The following UGT1A7 variants were observed in gnomAD, a reference collection of about 807,000 sequenced individuals.
UGT1A7 encodes the protein UDP glucuronosyltransferase family 1 member A7, also known as UDP-glucuronosyltransferase 1A7.
Under a neutral mutation model 45.6 loss-of-function variants are expected in UGT1A7, and 33 were observed. The ratio of observed to expected loss-of-function variants is 0.72; its 90% CI spans 0.55 to 0.97. UGT1A7 has a LOEUF of 0.97. Among genes scored for constraint, UGT1A7 ranks in the 50% least tolerant of loss-of-function variants. UGT1A7 has a pLI of 0.00. For missense variants in UGT1A7, 684 were observed against 666.2 expected, an observed-to-expected ratio of 1.03 and a Z score of -0.29; for synonymous variants, 274 against 250.6, an observed-to-expected ratio of 1.09 and a Z score of -0.88.
intron 1 of UGT1A7, among the ~76,000 whole-genome samples, chr2:233,732,885 A>G (rs1356305155): frequency 6.6e-6 from 1 of 150,402 alleles, no homozygotes; most frequent in Non-Finnish European, 1.5e-5. Flanking sequence ...CATTGAATCT[A>G]TAAATTACCT....
chr2:233,718,911 G>C, intron 1 of UGT1A7: 2 of 1,614,072 alleles, frequency 1.2e-6, no homozygotes, highest in Non-Finnish European at 1.7e-6. Flanking sequence ...GAGTGGAAAG[G>C]TGTTGGTGGT....
intron 1 of UGT1A7, among the ~76,000 whole-genome samples, chr2:233,715,395 T>C (rs1475144690): frequency 6.6e-6 from 1 of 152,246 alleles, no homozygotes. Context: ...TATCATTAAA[T>C]AATAATCCTT....
At chr2:233,732,356 G>A (rs946467388) in intron 1 of UGT1A7, among the ~76,000 whole-genome samples, 35 of 152,232 alleles carry the variant, frequency 2.3e-4, no homozygotes, top group Non-Finnish European at 4.6e-4. Context: ...TAGTCATGAA[G>A]TCCTGGCCCA....
At chr2:233,747,977 G>A (rs1693826207) in intron 1 of UGT1A7, 1 of 1,613,358 alleles carries the variant, frequency 6.2e-7, no homozygotes, top group Non-Finnish European at 8.5e-7. Context: ...CATCTGTGTG[G>A]CTGTTCCGAG....
At chr2:233,766,869 G>A (rs1460136088) in intron 1 of UGT1A7, among the ~76,000 whole-genome samples, 165 bp from the exon 2 acceptor site, 1 of 152,162 alleles carries the variant, frequency 6.6e-6, no homozygotes, top group African/African-American at 2.4e-5. Context: ...GTAAAGGAGA[G>A]GAAAATGCTG....
rs531220267 is a variant in UGT1A7, at chr2:233,732,395, C to A, written c.856-34639C>A. On this transcript the variant is annotated intron_variant, in intron 1 of 4. Coordinates refer to ENST00000373426, the MANE Select transcript of UGT1A7 (RefSeq NM_019077.3). ...CTATGTCTTCTAGGCCATGCCTATGCCTAAATGATATTGCCTAGGTTTTCT... is the reference window on the plus strand; with the variant it reads ...CTATGTCTTCTAGGCCATGCCTATGACTAAATGATATTGCCTAGGTTTTCT... Among the ~76,000 whole-genome samples, 4 of 152,284 alleles carry A rather than the reference C, an allele frequency of 2.6e-5. No individual in the cohort carries two copies. The East Asian group carries it at 7.7e-4, about 29-fold the overall frequency.
At chr2:233,757,537 T>TAAATATACATATAC (rs1696591664) in intron 1 of UGT1A7, among the ~76,000 whole-genome samples, 2 of 107,778 alleles carry the variant, frequency 1.9e-5, no homozygotes, top group African/African-American at 9.3e-5. Context: ...CTGTAAGGAA[T>TAAATATACATATAC]ATATATATAT....
At chr2:233,733,174 G>T (rs2078363189) in intron 1 of UGT1A7, among the ~76,000 whole-genome samples, 1 of 152,204 alleles carries the variant, frequency 6.6e-6, no homozygotes, top group African/African-American at 2.4e-5. Context: ...CTGGGACTTT[G>T]CTGAAGTTGC....
chr2:233,739,606 T>C (rs1247798454), intron 1 of UGT1A7, among the ~76,000 whole-genome samples: 1 of 152,250 alleles, frequency 6.6e-6, no homozygotes, highest in African/African-American at 2.4e-5. Flanking sequence ...CCCTTTGTTT[T>C]GGCCAGTTTC....
At chr2:233,721,529 G>A (rs537602053) in intron 1 of UGT1A7, 34 of 169,694 alleles carry the variant, frequency 2.0e-4, no homozygotes, top group Non-Finnish European at 3.5e-4. Context: ...TTCTTCCAGA[G>A]CCATAGGTAA....
intron 1 of UGT1A7, chr2:233,718,641 G>T: frequency 6.8e-7 from 1 of 1,475,748 alleles, no homozygotes; most frequent in Admixed American, 2.0e-5. Context: ...CCAGGGTTGG[G>T]CCCATAACGA....
At chr2:233,737,138 G>A (rs1186912259) in intron 1 of UGT1A7, among the ~76,000 whole-genome samples, 2 of 152,230 alleles carry the variant, frequency 1.3e-5, no homozygotes, top group African/African-American at 4.8e-5. Flanking sequence ...GCTGCCTTTT[G>A]TTCAGATATG....
At chr2:233,764,379 G>A (rs1698547509) in intron 1 of UGT1A7, among the ~76,000 whole-genome samples, 1 of 152,204 alleles carries the variant, frequency 6.6e-6, no homozygotes, top group South Asian at 2.1e-4. Flanking sequence ...TCAGGTAGGA[G>A]TTGGCCGTGA....
intron 1 of UGT1A7, chr2:233,693,888 G>A (rs745978624): frequency 6.2e-7 from 1 of 1,613,982 alleles, no homozygotes; most frequent in South Asian, 1.1e-5. Flanking sequence ...ATTTCTTTTG[G>A]ACTGCCTTGT....
chr2:233,718,884 G>T (rs755101119), intron 1 of UGT1A7: 44 of 1,614,026 alleles, frequency 2.7e-5, no homozygotes, highest in Non-Finnish European at 3.6e-5. Flanking sequence ...CCTCCTCAGT[G>T]TCCAGCCCTG....
At chr2:233,717,710 C>G in intron 1 of UGT1A7, 1 of 452,848 alleles carries the variant, frequency 2.2e-6, no homozygotes, top group Non-Finnish European at 4.5e-6. Context: ...CAGGACGAGC[C>G]TCATGGGCAT....
intron 1 of UGT1A7, chr2:233,691,707 C>G: frequency 1.1e-6 from 1 of 940,490 alleles, no homozygotes; most frequent in Non-Finnish European, 1.3e-6. Flanking sequence ...GAGTCACTCC[C>G]CTGGCAGATG....
chr2:233,683,832 G>A (rs2074653518), intron 1 of UGT1A7, among the ~76,000 whole-genome samples: 3 of 152,102 alleles, frequency 2.0e-5, no homozygotes, highest in Admixed American at 2.0e-4. Flanking sequence ...GTATTAGTAT[G>A]TAAGGTGTAT....
chr2:233,718,938 C>T, intron 1 of UGT1A7: 1 of 1,614,130 alleles, frequency 6.2e-7, no homozygotes, highest in Non-Finnish European at 8.5e-7. Context: ...TGATGGCAGC[C>T]CCTGGCTCAG....
Sources: allele counts gnomAD v4.1 joint callset (sites outside exome capture counted in the v4.1 genomes callset), GRCh38; gene constraint gnomAD v4.1.1; transcripts MANE v1.5; gene names NCBI Gene and HGNC (gene_info 2026-07-23, HGNC 2026-07-21).